MND1: variants seen among roughly 807,000 people sequenced by gnomAD.
MND1 encodes meiotic nuclear division protein 1 homolog.
In MND1, 28 loss-of-function variants were observed where a neutral mutation model predicts 35.1. The observed-to-expected ratio is 0.80, with a 90% CI of 0.59 to 1.09. The LOEUF is 1.09. MND1 is among the 50% of genes least tolerant of loss of function. The probability of loss-of-function intolerance (pLI) is 0.00; values close to 1 mark genes in which losing one functional copy is unlikely to be tolerated. For synonymous variants in MND1, 69 were observed against 70.5 expected, an observed-to-expected ratio of 0.98 and a Z score of 0.11; for missense variants, 213 against 239.6, an observed-to-expected ratio of 0.89 and a Z score of 0.73.
intron 4 of MND1, among the ~76,000 whole-genome samples, chr4:153,366,804 A>G (rs1773646457): frequency 6.6e-6 from 1 of 152,224 alleles, no homozygotes; most frequent in East Asian, 1.9e-4. Context: ...TCCTAAATAT[A>G]TTATCTCATT....
rs1278311869 is a variant in MND1 at position 153,381,690 on chromosome 4, ATATTTTTTTTTTTTTT to A, written c.277-12570_277-12555del. On this transcript the variant is annotated intron_variant, in intron 4 of 7. Transcript: ENST00000240488. ...ATAATATATATATATATATATATAT[ATATTTTTTTTTTTTTT>A]TTTTTTTTTTTTTTTTTAAGAGATA... The A allele has an allele frequency of 7.7e-4, 21 of 27,442 alleles. No individual in the cohort carries two copies. The South Asian group carries it at 0.014, about 19-fold the overall frequency. The allele number at this position is 27,442 out of a possible 1,614,324, so 1.7% of individuals were successfully genotyped here.
intron 4 of MND1, among the ~76,000 whole-genome samples, chr4:153,380,682 C>T (rs779988415): frequency 6.6e-5 from 10 of 152,118 alleles, no homozygotes; most frequent in Non-Finnish European, 1.3e-4. Context: ...ACTTAAAAGC[C>T]ACTTTTTCTA....
intron 4 of MND1, among the ~76,000 whole-genome samples, chr4:153,390,907 G>A (rs1378569221): frequency 5.1e-5 from 7 of 137,264 alleles, no homozygotes; most frequent in African/African-American, 1.5e-4. Flanking sequence ...GTGTGTGTGT[G>A]TGTGTGTGTA....
At chr4:153,344,881 C>A (rs534802105) in intron 1 of MND1, 141 bp downstream of exon 1, 25 of 1,379,130 alleles carry the variant, frequency 1.8e-5, no homozygotes, top group South Asian at 1.3e-4. Context: ...TCGGCCTCAC[C>A]GTGTAGGGGC....
intron 4 of MND1, among the ~76,000 whole-genome samples, chr4:153,376,068 C>G (rs556884672): frequency 2.0e-4 from 30 of 152,230 alleles, no homozygotes; most frequent in African/African-American, 6.3e-4. Flanking sequence ...GATAGTGAAG[C>G]AGCTATTTTG....
intron 4 of MND1, among the ~76,000 whole-genome samples, chr4:153,369,929 C>T (rs1459066890): frequency 2.0e-5 from 3 of 151,998 alleles, no homozygotes; most frequent in Admixed American, 2.0e-4. Flanking sequence ...ATGTTCACAG[C>T]GTCTGCATGA....
intron 4 of MND1, chr4:153,382,006 CA>C (rs1322364221): frequency 2.6e-5 from 4 of 151,818 alleles, no homozygotes; most frequent in African/African-American, 9.7e-5. Flanking sequence ...TGCACACCAC[CA>C]CACCAGGCTA....
At chr4:153,345,468 A>C (rs1291659257) in intron 1 of MND1, 1 of 985,274 alleles carries the variant, frequency 1.0e-6, no homozygotes, top group African/African-American at 1.7e-5. Context: ...CTCTGCACTG[A>C]ATTAGGCTTC....
intron 4 of MND1, 138 bp from the exon 5 acceptor site, chr4:153,394,124 T>C: frequency 1.6e-6 from 1 of 612,810 alleles, no homozygotes; most frequent in Non-Finnish European, 2.9e-6. Context: ...TCTCCATCTC[T>C]TGACCTTGTG....
chr4:153,403,267 A>G (rs909134572), intron 6 of MND1, among the ~76,000 whole-genome samples: 3 of 152,230 alleles, frequency 2.0e-5, no homozygotes, highest in Non-Finnish European at 2.9e-5. Flanking sequence ...CAGTCCCCAC[A>G]TCTAGCTGAC....
chr4:153,401,232 G>C (rs1237676357), intron 6 of MND1, among the ~76,000 whole-genome samples: 1 of 152,078 alleles, frequency 6.6e-6, no homozygotes, highest in Non-Finnish European at 1.5e-5. Context: ...TGGAGTCCTT[G>C]ACTCCCATAT....
chr4:153,370,175 A>G (rs1773756023), intron 4 of MND1, among the ~76,000 whole-genome samples: 1 of 151,948 alleles, frequency 6.6e-6, no homozygotes, highest in African/African-American at 2.4e-5. Context: ...CCAGCTACTC[A>G]GGAGGCTGAG....
chr4:153,409,113 A>G (rs1181452097), intron 7 of MND1, 98 bp downstream of exon 7: 10 of 621,276 alleles, frequency 1.6e-5, no homozygotes, highest in Non-Finnish European at 2.2e-5. Context: ...TGTTCAAGAA[A>G]GGACGTTAAT....
At chr4:153,372,678 G>C (rs994779000) in intron 4 of MND1, among the ~76,000 whole-genome samples, 2 of 152,026 alleles carry the variant, frequency 1.3e-5, no homozygotes, top group Non-Finnish European at 2.9e-5. Context: ...TCATTAGTTT[G>C]TATTTCCTAG....
rs60037291 is a variant in MND1 at position 153,385,715 on chromosome 4, CA to C, written c.277-8528del. On this transcript the variant is annotated intron_variant, in intron 4 of 7. Transcript: ENST00000240488. ...TGGGTGACAGAGTGAGACCCTGTCT[CA>C]AAAAAAAAAAAAAAAAAAGAAAAGA... Among the ~76,000 whole-genome samples the C allele has an allele frequency of 5.5e-3, 461 of 83,698 alleles. 4 individuals carry two copies. The highest frequency in any genetic ancestry group is 0.051 in the East Asian group (130 of 2,532). 54.9% of individuals were successfully genotyped at this position (83,698 alleles called of 152,430 possible). A position where few individuals can be genotyped will look rare whatever the true frequency, so the allele number is the denominator to read the frequency against.
chr4:153,388,984 T>A, intron 4 of MND1, among the ~76,000 whole-genome samples: 1 of 152,134 alleles, frequency 6.6e-6, no homozygotes, highest in East Asian at 1.9e-4. Context: ...GGGGCTTTTA[T>A]GGGCACAGAA....
chr4:153,414,820 C>G lies in MND1; in HGVS notation c.581C>G (p.Thr194Ser), dbSNP rs1729789349. ...FGFEENKIDR[T>S]FGIPEDFDYI... Reference sequence around the variant, plus strand: ...TTTGAAGAAAATAAAATTGATAGAACTTTTGGAATTCCAGAAGACTTTGAC... The same window carrying G: ...TTTGAAGAAAATAAAATTGATAGAAGTTTTGGAATTCCAGAAGACTTTGAC... The change falls in exon 8 of 8, where the codon ACT becomes AGT. Residue 194 changes from threonine to serine, a missense_variant. Transcript: ENST00000240488. 6.4e-7 allele frequency: 1 copy of G among 1,558,918 alleles called. No homozygotes were observed.
chr4:153,404,841 T>C (rs1187490634), intron 6 of MND1, among the ~76,000 whole-genome samples: 1 of 151,816 alleles, frequency 6.6e-6, no homozygotes, highest in East Asian at 1.9e-4. Context: ...AAAAGAGAAA[T>C]AGAAAAAAAT....
At chr4:153,408,059 T>C (rs1729571807) in intron 6 of MND1, among the ~76,000 whole-genome samples, 1 of 152,138 alleles carries the variant, frequency 6.6e-6, no homozygotes, top group Admixed American at 6.6e-5. Flanking sequence ...GGTGGATCAC[T>C]TGAGGCCAGG....
Sources: allele counts gnomAD v4.1 joint callset (sites outside exome capture counted in the v4.1 genomes callset), GRCh38; gene constraint gnomAD v4.1.1; transcripts MANE v1.5; gene names NCBI Gene and HGNC (gene_info 2026-07-23, HGNC 2026-07-21).